Variants in ARMC12 observed in about 807,000 individuals in gnomAD.
ARMC12 encodes the protein armadillo repeat containing 12, also known as armadillo repeat-containing protein 12.
Under a neutral mutation model 37.4 loss-of-function variants are expected in ARMC12, and 25 were observed. That is an observed-to-expected ratio of 0.67 (90% CI 0.49 to 0.93). The LOEUF is 0.93. Among genes scored for constraint, ARMC12 ranks in the 40% least tolerant of loss-of-function variants. ARMC12 has a pLI of 0.00. For synonymous variants in ARMC12, 167 were observed against 176.1 expected (o/e 0.95, Z 0.41); for missense variants, 384 against 426.6 (o/e 0.90, Z 0.88).
In ARMC12 at chr6:35,747,344, C is replaced by G. The variant is rs761043454; in HGVS notation, c.528C>G (p.Asn176Lys). The G allele has an allele frequency of 6.2e-7, 1 of 1,614,182 alleles. No homozygotes were observed. Among genetic ancestry groups the G allele is most frequent in the South Asian group, 1.1e-5 (1 of 91,082 alleles). ...LHIAGLRLLNNLPLPDYVHPQ... is the reference protein window; with the variant it reads ...LHIAGLRLLNKLPLPDYVHPQ... ...TTGCGGGCCTCAGACTCCTCAACAACCTTCCACTGCCCGACTATGTGCATC... is the reference window on the plus strand; with the variant it reads ...TTGCGGGCCTCAGACTCCTCAACAAGCTTCCACTGCCCGACTATGTGCATC... Residue 176 changes from asparagine to lysine, a missense_variant, in exon 4 of 6, where the codon AAC (asparagine) becomes AAG (lysine). Transcript: ENST00000373866.
chr6:35,738,288 G>GGA (rs1554141446), intron 2 of ARMC12, 96 bp from the exon 3 acceptor site: 2 of 1,400,782 alleles, frequency 1.4e-6, no homozygotes, highest in Non-Finnish European at 9.6e-7. Flanking sequence ...GATAGCGGTG[G>GGA]GGGGGGGGTG....
At chr6:35,738,268 C>T in intron 2 of ARMC12, 96 bp downstream of exon 2, 2 of 1,434,554 alleles carry the variant, frequency 1.4e-6, no homozygotes, top group Non-Finnish European at 1.9e-6. Context: ...CCTGGGACCT[C>T]TCTCTGGCTG....
At chr6:35,733,827 A>G (rs184689397), upstream of ARMC12, 1 of 152,332 alleles carries the variant, frequency 6.6e-6, no homozygotes, top group East Asian at 1.9e-4. Context: ...CCTGCCTAGA[A>G]CCCATACTTA....
rs35053737 is a variant in ARMC12 at position 35,743,216 on chromosome 6, CT to C, written c.445-4028del. On this transcript the variant is annotated intron_variant, in intron 3 of 5. Coordinates refer to ENST00000373866, the MANE Select transcript of ARMC12 (RefSeq NM_001286574.2). The stretch of plus-strand genomic sequence containing the variant: ...AATGCCTCTAGGTCCAAGCATCTTA[CT>C]TTTTTTTTTTTTTTTTGAGACGGAG... Among the ~76,000 whole-genome samples, 625 of 139,994 alleles carry C rather than the reference CT, an allele frequency of 4.5e-3. 2 individuals are homozygous for C. The highest frequency in any genetic ancestry group is 4.4e-3 in the African/African-American group (166 of 38,104). 91.8% of individuals were successfully genotyped at this position (139,994 alleles called of 152,430 possible). A position where few individuals can be genotyped will look rare whatever the true frequency, so the allele number is the denominator to read the frequency against.
chr6:35,743,044 A>G (rs1309151131), intron 3 of ARMC12, among the ~76,000 whole-genome samples: 2 of 151,786 alleles, frequency 1.3e-5, no homozygotes, highest in South Asian at 2.1e-4. Context: ...GCTGACTCCA[A>G]CCTGTCCTGC....
At chr6:35,747,180 G>A (rs925069998) in intron 3 of ARMC12, 81 bp from the exon 4 acceptor site, 1 of 1,504,480 alleles carries the variant, frequency 6.6e-7, no homozygotes, top group Non-Finnish European at 9.1e-7. Flanking sequence ...ACATCCATGG[G>A]GACAGTGAAG....
At chr6:35,731,529 T>C in the ARMC12 span, among the ~76,000 whole-genome samples, 1 of 151,758 alleles carries the variant, frequency 6.6e-6, no homozygotes, top group Non-Finnish European at 1.5e-5. Context: ...GTGGCCTCTC[T>C]CCATCGTCTC....
At chr6:35,741,832 A>T (rs1241525876) in intron 3 of ARMC12, among the ~76,000 whole-genome samples, 2 of 152,178 alleles carry the variant, frequency 1.3e-5, no homozygotes, top group Non-Finnish European at 2.9e-5. Context: ...CAAAAGAATA[A>T]AAATAGATTG....
chr6:35,747,161 G>T, intron 3 of ARMC12, 100 bp from the exon 4 acceptor site: 1 of 1,371,662 alleles, frequency 7.3e-7, no homozygotes, highest in Non-Finnish European at 1.0e-6. Context: ...ATTGGGTTTG[G>T]CCCAGGGGAC....
intron 3 of ARMC12, among the ~76,000 whole-genome samples, chr6:35,746,506 C>A (rs942553040): frequency 6.6e-6 from 1 of 152,018 alleles, no homozygotes; most frequent in African/African-American, 2.4e-5. Context: ...AGTGACATGT[C>A]TAACATGTCA....
chr6:35,746,515 C>G (rs1478048795), intron 3 of ARMC12, among the ~76,000 whole-genome samples: 1 of 152,000 alleles, frequency 6.6e-6, no homozygotes, highest in Admixed American at 6.6e-5. Flanking sequence ...TCTAACATGT[C>G]AGCTGCTCTG....
chr6:35,743,409 G>C (rs1310312720), intron 3 of ARMC12, among the ~76,000 whole-genome samples: 3 of 152,024 alleles, frequency 2.0e-5, no homozygotes, highest in East Asian at 1.9e-4. Flanking sequence ...GTGGAGATGG[G>C]GTTTCTCCAT....
At position 35,737,095 on chromosome 6, in the gene ARMC12, G is replaced by A. The variant is rs755057476; in HGVS notation, c.-14G>A. The A allele has an allele frequency of 1.9e-6, 3 of 1,613,854 alleles. No homozygotes were observed. The South Asian group carries it at 3.3e-5, about 18-fold the overall frequency. Reference sequence around the variant, plus strand: ...GGCCTAGCTCTCACCTGGGCCCAGGGCAACACTGAAGACATGGGCAAGAGC... The same window carrying A: ...GGCCTAGCTCTCACCTGGGCCCAGGACAACACTGAAGACATGGGCAAGAGC... On this transcript the variant is annotated 5_prime_UTR_variant, in exon 1 of 6. Coordinates refer to ENST00000373866, the MANE Select transcript of ARMC12 (RefSeq NM_001286574.2).
At chr6:35,739,154 G>C (rs1767089793) in intron 3 of ARMC12, among the ~76,000 whole-genome samples, 1 of 152,104 alleles carries the variant, frequency 6.6e-6, no homozygotes, top group Non-Finnish European at 1.5e-5. Context: ...CCAAACTGAG[G>C]GCTGGGCTGC....
intron 1 of ARMC12, among the ~76,000 whole-genome samples, chr6:35,737,660 A>T (rs1214540585): frequency 6.6e-6 from 1 of 152,168 alleles, no homozygotes; most frequent in East Asian, 1.9e-4. Context: ...CCACTAGTCC[A>T]CATGTTCTTT....
In ARMC12 at chr6:35,737,079, C is replaced by T. The variant is rs751389025; in HGVS notation, c.-30C>T. 1.2e-6 allele frequency: 2 copies of T among 1,612,038 alleles called. No individual in the cohort carries two copies. The highest frequency in any genetic ancestry group is 2.2e-5 in the South Asian group (2 of 91,002). ...CCCCACAGGTGCCTTGGGCCTAGCT[C>T]TCACCTGGGCCCAGGGCAACACTGA... On this transcript the variant is annotated 5_prime_UTR_variant, in exon 1 of 6. Coordinates refer to ENST00000373866, the MANE Select transcript of ARMC12 (RefSeq NM_001286574.2).
At chr6:35,734,095 T>G (rs1451379421), upstream of ARMC12, 1 of 152,184 alleles carries the variant, frequency 6.6e-6, no homozygotes, top group East Asian at 1.9e-4. Flanking sequence ...AGTTGCAGCT[T>G]TAAATTTACG....
Position 35,737,183 on chromosome 6 carries a change from C to T in ARMC12, c.75C>T (p.Ala25=), listed in dbSNP as rs376122934. ...GCGTAGTCAGCCTGGCCACAGGCGC[C>T]GGGGCGATCTACCTGCTCTACAAGG... ...RKSVVSLATG[A]GAIYLLYKAI... is the part of the protein sequence containing the mutation. The change falls in exon 1 of 6, where the codon GCC becomes GCT. Residue 25 remains alanine (A), a synonymous_variant. Transcript: ENST00000373866. 3.1e-4 allele frequency: 496 copies of T among 1,614,214 alleles called. 2 individuals carry two copies. The highest frequency in any genetic ancestry group is 2.5e-3 in the Middle Eastern group (15 of 6,062).
chr6:35,748,630 C>T lies in ARMC12; in HGVS notation c.783C>T (p.Gly261=). The T allele has an allele frequency of 1.2e-6, 2 of 1,610,846 alleles. No individual in the cohort carries two copies. Among genetic ancestry groups the T allele is most frequent in the Non-Finnish European group, 1.7e-6 (2 of 1,178,058 alleles). The change falls in exon 6 of 6, where the codon GGC becomes GGT. Residue 261 remains glycine, a synonymous_variant. Coordinates refer to ENST00000373866, the MANE Select transcript of ARMC12 (RefSeq NM_001286574.2). ...TGTTTGCTGAGCGGCTGAGTGAGGGCCGGAACGCACCCCACTACCACGTGG... is the reference window on the plus strand; with the variant it reads ...TGTTTGCTGAGCGGCTGAGTGAGGGTCGGAACGCACCCCACTACCACGTGG... The part of the protein sequence containing the change: ...VLVFAERLSE[G]RNAPHYHVVK...
Sources: gnomAD v4.1 joint callset for allele counts (sites outside exome capture counted in the v4.1 genomes callset) on GRCh38, gnomAD v4.1.1 for gene constraint, MANE v1.5 for transcripts, NCBI Gene and HGNC (gene_info 2026-07-23, HGNC 2026-07-21) for gene names.